The following CA10 variants were observed in gnomAD, a reference collection of about 807,000 sequenced individuals.
The protein encoded by CA10 is carbonic anhydrase-related protein 10.
In CA10, 14 loss-of-function variants were observed where a neutral mutation model predicts 44.2. That is an observed-to-expected ratio of 0.32 (90% CI 0.21 to 0.50). CA10 has a LOEUF of 0.50. CA10 is among the 20% of genes least tolerant of loss of function. CA10 has a pLI of 0.99. For missense variants in CA10, 350 were observed against 409.7 expected (o/e 0.85, Z 1.26); for synonymous variants, 159 against 141.6 (o/e 1.12, Z -0.87).
intron 2 of CA10, among the ~76,000 whole-genome samples, chr17:51,974,613 G>A (rs1273936341): frequency 6.6e-6 from 1 of 151,886 alleles, no homozygotes; most frequent in Non-Finnish European, 1.5e-5. Flanking sequence ...AGAAGGAGAA[G>A]AGAGAGAAAA....
At chr17:52,067,613 A>G (rs2143119067) in intron 2 of CA10, among the ~76,000 whole-genome samples, 1 of 152,332 alleles carries the variant, frequency 6.6e-6, no homozygotes, top group African/African-American at 2.4e-5. Context: ...ATAGCTTGCA[A>G]CATGCACCTG....
intron 3 of CA10, among the ~76,000 whole-genome samples, chr17:51,910,171 C>T (rs1981731595): frequency 6.6e-6 from 1 of 151,976 alleles, no homozygotes; most frequent in Admixed American, 6.6e-5. Context: ...GGAGGAGAGG[C>T]TTAGAGAGGG....
intron 3 of CA10, among the ~76,000 whole-genome samples, chr17:51,876,442 C>G (rs1281206819): frequency 1.3e-5 from 2 of 150,914 alleles, no homozygotes; most frequent in Non-Finnish European, 2.9e-5. Flanking sequence ...CTTGGCCTCT[C>G]AGAGTGCTGG....
At chr17:51,787,498 C>CT (rs575519452) in intron 3 of CA10, among the ~76,000 whole-genome samples, 1,786 of 144,254 alleles carry the variant, frequency 0.012, 20 homozygotes, top group African/African-American at 0.033. Flanking sequence ...CTTTTTTTTC[C>CT]TTTTTTTTTT....
At chr17:51,651,491 C>T (rs538776424) in intron 5 of CA10, among the ~76,000 whole-genome samples, 9 of 152,304 alleles carry the variant, frequency 5.9e-5, no homozygotes, top group South Asian at 4.1e-4. Context: ...TCCCTAGGAG[C>T]TAAACTGACC....
intron 3 of CA10, among the ~76,000 whole-genome samples, chr17:51,774,632 C>T (rs889780108): frequency 1.3e-5 from 2 of 151,748 alleles, no homozygotes; most frequent in Non-Finnish European, 2.9e-5. Context: ...TTAGTAGAGA[C>T]GGGGTTTCAC....
chr17:51,988,786 T>C (rs1223041706), intron 2 of CA10, among the ~76,000 whole-genome samples: 1 of 152,024 alleles, frequency 6.6e-6, no homozygotes, highest in Non-Finnish European at 1.5e-5. Context: ...AGGAGATGCA[T>C]ATATAATTTT....
intron 2 of CA10, among the ~76,000 whole-genome samples, chr17:51,948,338 G>A (rs550646851): frequency 5.9e-5 from 9 of 152,228 alleles, no homozygotes; most frequent in African/African-American, 2.2e-4. Context: ...TCCTGTTCCG[G>A]TTGGCATTAT....
In CA10 at chr17:51,727,871, C is replaced by G. The variant is rs1310790097; in HGVS notation, c.465+19762G>C. Among the ~76,000 whole-genome samples, 3 of 147,370 alleles carry G rather than the reference C, an allele frequency of 2.0e-5. No individual in the cohort carries two copies. In the East Asian group the frequency reaches 5.9e-4, roughly 29 times the overall value. ...TTAAAAATAAAAGACTTTTGCAGAA[C>G]TTTTTTTTTTTAAAGACTTAAAAAA... On this transcript the variant is annotated intron_variant, in intron 4 of 8. Transcript: ENST00000451037.
intron 2 of CA10, among the ~76,000 whole-genome samples, chr17:51,940,248 T>G (rs1338659643): frequency 6.6e-6 from 1 of 152,122 alleles, no homozygotes; most frequent in Admixed American, 6.6e-5. Context: ...TTTCACCTAT[T>G]TGTGTATTCT....
chr17:51,982,990 G>C (rs1213794930), intron 2 of CA10, among the ~76,000 whole-genome samples: 1 of 151,718 alleles, frequency 6.6e-6, no homozygotes, highest in Admixed American at 6.6e-5. Context: ...TTATGTTTTA[G>C]ATTATTTTTT....
In CA10 at chr17:51,905,263, CTT is replaced by C. The variant is rs776037886; in HGVS notation, c.279+25725_279+25726del. Among the ~76,000 whole-genome samples, 11 of 152,240 alleles carry C rather than the reference CTT, an allele frequency of 7.2e-5. 1 individual carries two copies. In the Middle Eastern group the frequency reaches 0.01, roughly 141 times the overall value. ...GGGGCTTAGGCTTGGAGATAGGAGTCTTTGCGCAAAAGGTTTGCACTGCCTCA... is the reference window on the plus strand; with the variant it reads ...GGGGCTTAGGCTTGGAGATAGGAGTCTGCGCAAAAGGTTTGCACTGCCTCA... On this transcript the variant is annotated intron_variant, in intron 3 of 8. Transcript: ENST00000451037.
chr17:51,951,991 T>C (rs369985621), intron 2 of CA10, among the ~76,000 whole-genome samples: 3 of 152,328 alleles, frequency 2.0e-5, no homozygotes, highest in South Asian at 2.1e-4. Context: ...TGGTTTTGAG[T>C]TTCTTGAGCT....
intron 2 of CA10, among the ~76,000 whole-genome samples, chr17:52,063,911 A>T (rs1349458425): frequency 6.6e-6 from 1 of 152,236 alleles, no homozygotes; most frequent in East Asian, 1.9e-4. Flanking sequence ...TCTGAGTATA[A>T]TGGAATTTCA....
At chr17:52,156,792 T>A (rs1330388100) in intron 1 of CA10, among the ~76,000 whole-genome samples, 1 of 152,168 alleles carries the variant, frequency 6.6e-6, no homozygotes, top group Non-Finnish European at 1.5e-5. Flanking sequence ...TTTCCTTGGG[T>A]GCTTAAGTGG....
chr17:52,068,904 G>T (rs1427618497), intron 2 of CA10, among the ~76,000 whole-genome samples: 1 of 152,176 alleles, frequency 6.6e-6, no homozygotes, highest in Non-Finnish European at 1.5e-5. Flanking sequence ...AGAATGGGGT[G>T]ACAGTGAGAG....
At chr17:51,756,138 T>C (rs1905070097) in intron 3 of CA10, among the ~76,000 whole-genome samples, 1 of 151,916 alleles carries the variant, frequency 6.6e-6, no homozygotes, top group Non-Finnish European at 1.5e-5. Flanking sequence ...TAAAAATACA[T>C]AACTATAAAC....
chr17:51,855,892 G>A (rs1306182543), intron 3 of CA10, among the ~76,000 whole-genome samples: 1 of 151,998 alleles, frequency 6.6e-6, no homozygotes, highest in Admixed American at 6.6e-5. Flanking sequence ...GGAGCCTGAA[G>A]ACTTTTGTCA....
At chr17:51,863,163 C>A (rs904754049) in intron 3 of CA10, among the ~76,000 whole-genome samples, 2 of 152,176 alleles carry the variant, frequency 1.3e-5, no homozygotes, top group African/African-American at 4.8e-5. Context: ...AAACAGTAAG[C>A]ATGTTTCACA....
Sources: gnomAD v4.1 joint callset for allele counts (sites outside exome capture counted in the v4.1 genomes callset) on GRCh38, gnomAD v4.1.1 for gene constraint, MANE v1.5 for transcripts, NCBI Gene and HGNC (gene_info 2026-07-23, HGNC 2026-07-21) for gene names.